The following OR51M1 variants were observed in gnomAD, a reference collection of about 807,000 sequenced individuals.
The protein encoded by OR51M1 is olfactory receptor family 51 subfamily M member 1.
For missense variants in OR51M1, 509 were observed against 404.4 expected (o/e 1.26, Z -2.22); for synonymous variants, 199 against 155.1 (o/e 1.28, Z -2.10).
intron 2 of OR51M1, among the ~76,000 whole-genome samples, chr11:5,386,891 A>G (rs1441444161): frequency 1.3e-5 from 2 of 152,164 alleles, no homozygotes; most frequent in Non-Finnish European, 2.9e-5. Context: ...AATATTATAA[A>G]AAATGCATAA....
In OR51M1 at chr11:5,390,337, T is replaced by G; in HGVS notation, c.939T>G (p.Arg313=). ...IYSIKTKEIH[R]AIIKFLGLKK... ...GCATTAAGACCAAGGAGATCCACCG[T>G]GCCATTATCAAGTTCCTAGGTCTTA... Residue 313 remains arginine, a synonymous_variant, in exon 3 of 3, where the codon CGT becomes CGG. Coordinates refer to ENST00000642046, the MANE Select transcript of OR51M1 (RefSeq NM_001004756.3). 1.2e-6 allele frequency: 2 copies of G among 1,612,160 alleles called. No individual in the cohort carries two copies. Among genetic ancestry groups the G allele is most frequent in the East Asian group, 4.5e-5 (2 of 44,844 alleles).
In OR51M1 at chr11:5,389,685, T is replaced by A. The variant is rs755228584; in HGVS notation, c.287T>A (p.Ile96Asn). The change falls in exon 3 of 3, where the codon ATC (isoleucine) becomes AAC (asparagine). Residue 96 changes from isoleucine (I) to asparagine (N), a missense_variant. Ile to Asn is a moderately radical substitution (Grantham distance 149). Transcript: ENST00000642046. Reference protein sequence around the residue: ...CVSTLPTTMGIFWFNSHSIYF... With the variant: ...CVSTLPTTMGNFWFNSHSIYF... ...TCCACGTTGCCCACCACTATGGGGATCTTCTGGTTTAACTCCCATAGTATC... is the reference window on the plus strand; with the variant it reads ...TCCACGTTGCCCACCACTATGGGGAACTTCTGGTTTAACTCCCATAGTATC... The A allele has an allele frequency of 1.2e-6, 2 of 1,613,700 alleles. No homozygotes were observed. Among genetic ancestry groups the A allele is most frequent in the Non-Finnish European group, 1.7e-6 (2 of 1,179,852 alleles).
At chr11:5,387,131 C>T (rs574758589) in intron 2 of OR51M1, among the ~76,000 whole-genome samples, 3 of 151,998 alleles carry the variant, frequency 2.0e-5, no homozygotes, top group Non-Finnish European at 4.4e-5. Context: ...GGACAGTAAA[C>T]TGAATAACAT....
chr11:5,386,206 A>T (rs376861640), intron 2 of OR51M1, among the ~76,000 whole-genome samples: 21 of 152,240 alleles, frequency 1.4e-4, no homozygotes, highest in East Asian at 9.6e-4. Flanking sequence ...AAACAAGAAA[A>T]GTATGTGTAG....
chr11:5,384,920 A>C (rs1016634045), intron 1 of OR51M1, among the ~76,000 whole-genome samples: 2 of 152,186 alleles, frequency 1.3e-5, no homozygotes, highest in Non-Finnish European at 1.5e-5. Context: ...AAAATGAATA[A>C]TCTGGTTCAA....
At chr11:5,387,042 G>A (rs907780921) in intron 2 of OR51M1, among the ~76,000 whole-genome samples, 1 of 152,030 alleles carries the variant, frequency 6.6e-6, no homozygotes, top group Non-Finnish European at 1.5e-5. Context: ...CTGGACTAGA[G>A]ATTAATGTCT....
Position 5,390,469 on chromosome 11 carries a change from A to T in OR51M1, c.*90A>T, listed in dbSNP as rs1428097944. 3 of 1,182,378 alleles carry T rather than the reference A, an allele frequency of 2.5e-6. No homozygotes were observed. The highest frequency in any genetic ancestry group is 3.5e-6 in the Non-Finnish European group (3 of 868,512). 73.2% of individuals were successfully genotyped at this position (1,182,378 alleles called of 1,614,324 possible). A position where few individuals can be genotyped will look rare whatever the true frequency, so the allele number is the denominator to read the frequency against. ...AGTATTGAGTATATAGCATGCTCTT[A>T]AAGATTTTTTGCCCCTGTCCTAAAT... is the stretch of plus-strand genomic sequence containing the variant. On this transcript the variant is annotated 3_prime_UTR_variant, in exon 3 of 3. Transcript: ENST00000642046.
chr11:5,390,084 C>A lies in OR51M1; in HGVS notation c.686C>A (p.Ser229Tyr), dbSNP rs763348944. The change falls in exon 3 of 3, where the codon TCC becomes TAC. Residue 229 changes from serine (S) to tyrosine (Y), a missense_variant. Ser to Tyr is a moderately radical substitution (Grantham distance 144). Coordinates refer to ENST00000642046, the MANE Select transcript of OR51M1 (RefSeq NM_001004756.3). ...CTGGACCTGGTGCTCATCGCACTGT[C>A]CTATGGACTCATCCTGCACACAGTA... is the stretch of plus-strand genomic sequence containing the variant. ...VMLDLVLIAL[S>Y]YGLILHTVAG... The A allele has an allele frequency of 6.2e-7, 1 of 1,613,760 alleles. No individual in the cohort carries two copies. The highest frequency in any genetic ancestry group is 8.5e-7 in the Non-Finnish European group (1 of 1,179,886).
At position 5,389,739 on chromosome 11, in the gene OR51M1, T is replaced by G. The variant is rs1272567461; in HGVS notation, c.341T>G (p.Phe114Cys). ...TTTGGAGCGTGTCAAATCCAGATGT[T>G]CTGCATCCACTCTTTTTCCTTCATG... Reference protein sequence around the residue: ...IYFGACQIQMFCIHSFSFMES... With the variant: ...IYFGACQIQMCCIHSFSFMES... Residue 114 changes from phenylalanine (F) to cysteine (C), a missense_variant, in exon 3 of 3, where the codon TTC becomes TGC. Transcript: ENST00000642046. 6.2e-7 allele frequency: 1 copy of G among 1,613,990 alleles called. No homozygotes were observed. Among genetic ancestry groups the G allele is most frequent in the South Asian group, 1.1e-5 (1 of 91,086 alleles).
chr11:5,384,804 T>A (rs768892200), intron 1 of OR51M1, among the ~76,000 whole-genome samples: 1 of 152,226 alleles, frequency 6.6e-6, no homozygotes, highest in Non-Finnish European at 1.5e-5. Context: ...ACTTCCCCAG[T>A]ATCCAGGATA....
At chr11:5,388,046 CT>C (rs1849728198) in intron 2 of OR51M1, among the ~76,000 whole-genome samples, 1 of 151,998 alleles carries the variant, frequency 6.6e-6, no homozygotes, top group African/African-American at 2.4e-5. Context: ...AGAATTATGT[CT>C]GCCATGTAAT....
chr11:5,387,523 A>T (rs953316660), intron 2 of OR51M1, among the ~76,000 whole-genome samples: 15 of 151,876 alleles, frequency 9.9e-5, no homozygotes, highest in Non-Finnish European at 2.1e-4. Context: ...TCTCAACTCG[A>T]AGCTCACAAG....
In OR51M1 at chr11:5,389,656, T is replaced by C; in HGVS notation, c.258T>C (p.Cys86=). The change falls in exon 3 of 3, where the codon TGT becomes TGC. Residue 86 remains cysteine, a synonymous_variant. Coordinates refer to ENST00000642046, the MANE Select transcript of OR51M1 (RefSeq NM_001004756.3). ...SLLALTDLGL[C]VSTLPTTMGI... Reference sequence around the variant, plus strand: ...TGGCCCTCACTGACCTGGGGCTGTGTGTGTCCACGTTGCCCACCACTATGG... The same window carrying C: ...TGGCCCTCACTGACCTGGGGCTGTGCGTGTCCACGTTGCCCACCACTATGG... The C allele has an allele frequency of 6.2e-7, 1 of 1,613,654 alleles. No individual in the cohort carries two copies. The highest frequency in any genetic ancestry group is 8.5e-7 in the Non-Finnish European group (1 of 1,179,892).
chr11:5,384,393 C>T lies in OR51M1; in HGVS notation c.-122+476C>T, dbSNP rs7937872. On this transcript the variant is annotated intron_variant, in intron 1 of 2. Coordinates refer to ENST00000642046, the MANE Select transcript of OR51M1 (RefSeq NM_001004756.3). ...GAAGTCTTAGAAACCAGGGTTCTCA[C>T]AGAATCTCTTCTGATATTCTCAGAG... Among the ~76,000 whole-genome samples, 442 of 152,306 alleles carry T rather than the reference C, an allele frequency of 2.9e-3. 1 individual carries two copies. Among genetic ancestry groups the T allele is most frequent in the African/African-American group, 0.01 (418 of 41,566 alleles).
rs751313549 is a variant in OR51M1 at position 5,389,455 on chromosome 11, G to C, written c.57G>C (p.Gln19His). The change falls in exon 3 of 3, where the codon CAG becomes CAC. Residue 19 changes from glutamine (Q) to histidine (H), a missense_variant. By Grantham distance (24) the Gln-to-His change is conservative. Coordinates refer to ENST00000642046, the MANE Select transcript of OR51M1 (RefSeq NM_001004756.3). Reference sequence around the variant, plus strand: ...TCATGCTGCTATCCAACATTACTCAGTTTAGCCCCATATTCTATCTCACCA... The same window carrying C: ...TCATGCTGCTATCCAACATTACTCACTTTAGCCCCATATTCTATCTCACCA... ...PQFMLLSNIT[Q>H]FSPIFYLTSF... The C allele has an allele frequency of 2.7e-5, 43 of 1,613,788 alleles. 1 individual carries two copies. The highest frequency in any genetic ancestry group is 3.1e-5 in the Non-Finnish European group (36 of 1,179,830).
rs375866360 is a variant in OR51M1 at position 5,389,683 on chromosome 11, G to A, written c.285G>A (p.Gly95=). Residue 95 remains glycine (G), a synonymous_variant, in exon 3 of 3, where the codon GGG becomes GGA. Coordinates refer to ENST00000642046, the MANE Select transcript of OR51M1 (RefSeq NM_001004756.3). ...LCVSTLPTTM[G]IFWFNSHSIY... ...TGTCCACGTTGCCCACCACTATGGGGATCTTCTGGTTTAACTCCCATAGTA... is the reference window on the plus strand; with the variant it reads ...TGTCCACGTTGCCCACCACTATGGGAATCTTCTGGTTTAACTCCCATAGTA... 2.5e-6 allele frequency: 4 copies of A among 1,613,634 alleles called. No homozygotes were observed. The African/African-American group carries it at 5.3e-5, about 22-fold the overall frequency.
chr11:5,389,270 A>G (rs1849751209), intron 2 of OR51M1, 114 bp from the exon 3 acceptor site: 3 of 895,012 alleles, frequency 3.4e-6, no homozygotes, highest in Admixed American at 2.2e-5. Flanking sequence ...GGCAGAATTC[A>G]TAAGGGTGGA....
Position 5,390,205 on chromosome 11 carries a change from G to T in OR51M1, c.807G>T (p.Gly269=). The change falls in exon 3 of 3, where the codon GGG becomes GGT. Residue 269 remains glycine (G), a synonymous_variant. Coordinates refer to ENST00000642046, the MANE Select transcript of OR51M1 (RefSeq NM_001004756.3). ...AVLVFFVPMM[G]LSLVHRFGKH... ...TAGTATTCTTTGTGCCCATGATGGG[G>T]CTGTCCCTGGTGCACCGTTTTGGGA... is the stretch of plus-strand genomic sequence containing the variant. The T allele has an allele frequency of 1.2e-6, 2 of 1,613,984 alleles. No individual in the cohort carries two copies. The highest frequency in any genetic ancestry group is 1.7e-6 in the Non-Finnish European group (2 of 1,179,890).
In OR51M1 at chr11:5,389,931, T is replaced by G. The variant is rs1284114217; in HGVS notation, c.533T>G (p.Phe178Cys). ...CCTATTGTCCTCCTCCTGAAGGCTT[T>G]TCCCTACTGTGGATCTGTGGTCCTC... The part of the protein sequence containing the change: ...TIPIVLLLKA[F>C]PYCGSVVLSH... The change falls in exon 3 of 3, where the codon TTT becomes TGT. Residue 178 changes from phenylalanine to cysteine, a missense_variant. Phe to Cys is a radical substitution (Grantham distance 205). Coordinates refer to ENST00000642046, the MANE Select transcript of OR51M1 (RefSeq NM_001004756.3). 1.2e-6 allele frequency: 2 copies of G among 1,611,390 alleles called. No individual in the cohort carries two copies. Among genetic ancestry groups the G allele is most frequent in the Admixed American group, 3.3e-5 (2 of 60,024 alleles).
Sources: gnomAD v4.1 joint callset for allele counts (sites outside exome capture counted in the v4.1 genomes callset) on GRCh38, gnomAD v4.1.1 for gene constraint, MANE v1.5 for transcripts, NCBI Gene and HGNC (gene_info 2026-07-23, HGNC 2026-07-21) for gene names.